Variants in AFAP1L1 observed in about 807,000 individuals in gnomAD.
AFAP1L1 encodes the protein actin filament-associated protein 1-like 1.
A neutral mutation model predicts 99.8 loss-of-function variants in AFAP1L1; 77 were observed. The observed-to-expected ratio is 0.77, with a 90% confidence interval of 0.64 to 0.93. The LOEUF (loss-of-function observed/expected upper bound fraction) is 0.93, where lower values mean the gene tolerates loss of function less well. Among genes scored for constraint, AFAP1L1 ranks in the 40% least tolerant of loss-of-function variants. The pLI is 0.00. For synonymous variants in AFAP1L1, 373 were observed against 395.3 expected, an observed-to-expected ratio of 0.94 and a Z score of 0.67; for missense variants, 893 against 996.8, an observed-to-expected ratio of 0.90 and a Z score of 1.40.
At chr5:149,287,461 C>A (rs1755717891) in intron 1 of AFAP1L1, among the ~76,000 whole-genome samples, 1 of 151,964 alleles carries the variant, frequency 6.6e-6, no homozygotes, top group African/African-American at 2.4e-5. Flanking sequence ...ACTCCATTAT[C>A]AAAAATAACT....
chr5:149,308,932 C>CA (rs1354000424), intron 7 of AFAP1L1, among the ~76,000 whole-genome samples: 997 of 118,144 alleles, frequency 8.4e-3, no homozygotes, highest in Middle Eastern at 0.023. Context: ...CCGTCTCTAC[C>CA]AAAAAAAAAA....
chr5:149,320,521 C>T lies in AFAP1L1; in HGVS notation c.1698+58C>T, dbSNP rs1756921713. ...CAAAGGCCACTTATTAGCTCTCCCTCTTTCTGCTCCCTTTACCTTCTGCCT... is the reference window on the plus strand; with the variant it reads ...CAAAGGCCACTTATTAGCTCTCCCTTTTTCTGCTCCCTTTACCTTCTGCCT... On this transcript the variant is annotated intron_variant, in intron 14 of 18. Transcript: ENST00000296721. The surrounding 1 kb of genome is among the most constrained non-coding windows in gnomAD (Gnocchi z 4.0). The T allele has an allele frequency of 3.4e-6, 5 of 1,476,112 alleles. No homozygotes were observed. The Admixed American group carries it at 5.0e-5, about 15-fold the overall frequency. 91.4% of individuals were successfully genotyped at this position (1,476,112 alleles called of 1,614,324 possible).
At chr5:149,324,658 G>C (rs1029809653) in intron 15 of AFAP1L1, among the ~76,000 whole-genome samples, 2 of 152,116 alleles carry the variant, frequency 1.3e-5, no homozygotes, top group African/African-American at 4.8e-5. Context: ...TCTGGCTTGG[G>C]GTCTCTCATG....
intron 1 of AFAP1L1, among the ~76,000 whole-genome samples, chr5:149,283,026 C>A (rs1314375477): frequency 6.6e-6 from 1 of 152,178 alleles, no homozygotes; most frequent in Non-Finnish European, 1.5e-5. Flanking sequence ...ACCACCGGGG[C>A]AGCACCTAAG....
intron 1 of AFAP1L1, among the ~76,000 whole-genome samples, chr5:149,280,433 C>A (rs1755480093): frequency 6.6e-6 from 1 of 151,910 alleles, no homozygotes; most frequent in Non-Finnish European, 1.5e-5. Context: ...AATACACCCA[C>A]AAAGATTTGA....
intron 4 of AFAP1L1, 67 bp from the exon 5 acceptor site, chr5:149,302,351 C>A: frequency 8.3e-7 from 1 of 1,200,250 alleles, no homozygotes; most frequent in Non-Finnish European, 1.2e-6. Flanking sequence ...TCCTGCCTCC[C>A]TCTCCCTCAG....
At chr5:149,307,965 G>T (rs766691359) in intron 7 of AFAP1L1, among the ~76,000 whole-genome samples, 1 of 151,860 alleles carries the variant, frequency 6.6e-6, no homozygotes, top group Non-Finnish European at 1.5e-5. Flanking sequence ...AGACCAGCCT[G>T]GCCAACATGG....
chr5:149,281,206 G>A (rs545196676), intron 1 of AFAP1L1, among the ~76,000 whole-genome samples: 14 of 152,204 alleles, frequency 9.2e-5, no homozygotes, highest in African/African-American at 3.4e-4. Flanking sequence ...ACAGAGAATT[G>A]ACCCACTAAA....
intron 5 of AFAP1L1, among the ~76,000 whole-genome samples, chr5:149,304,825 G>T (rs572960840): frequency 3.3e-5 from 5 of 152,344 alleles, no homozygotes; most frequent in Non-Finnish European, 5.9e-5. Flanking sequence ...ATAGAACTGG[G>T]TGTCCCAGTC....
At chr5:149,326,548 A>T (rs1757101088) in intron 15 of AFAP1L1, among the ~76,000 whole-genome samples, 1 of 67,600 alleles carries the variant, frequency 1.5e-5, no homozygotes, top group Non-Finnish European at 4.6e-5. Context: ...CCAAAAATAA[A>T]AAAAAAAAAA....
At chr5:149,339,586 A>T (rs1346364678) in intron 18 of AFAP1L1, among the ~76,000 whole-genome samples, 1 of 152,032 alleles carries the variant, frequency 6.6e-6, no homozygotes, top group East Asian at 1.9e-4. Flanking sequence ...TTTTCCAAAC[A>T]TTTAGAAATA....
chr5:149,312,366 C>T (rs1180107969), intron 9 of AFAP1L1, 162 bp downstream of exon 9: 1 of 721,364 alleles, frequency 1.4e-6, no homozygotes, highest in Non-Finnish European at 2.5e-6. Flanking sequence ...ATAAATGTCT[C>T]CTGAATTCAT....
At chr5:149,339,651 A>G (rs930127801) in intron 18 of AFAP1L1, among the ~76,000 whole-genome samples, 1 of 152,194 alleles carries the variant, frequency 6.6e-6, no homozygotes, top group African/African-American at 2.4e-5. Flanking sequence ...CCCACAGACT[A>G]TCATTTACCA....
intron 1 of AFAP1L1, among the ~76,000 whole-genome samples, chr5:149,281,947 C>T (rs10477413): frequency 0.015 from 2,309 of 152,300 alleles, 57 homozygotes; most frequent in African/African-American, 0.048. Flanking sequence ...ATTTCTTATC[C>T]TTCACACTCT....
intron 1 of AFAP1L1, among the ~76,000 whole-genome samples, chr5:149,275,901 C>T (rs1272623226): frequency 6.6e-6 from 1 of 152,210 alleles, no homozygotes; most frequent in Non-Finnish European, 1.5e-5. Flanking sequence ...GACCCTGTCT[C>T]CAAATACAGT....
chr5:149,293,917 G>A (rs904742322), intron 1 of AFAP1L1, among the ~76,000 whole-genome samples: 2 of 152,108 alleles, frequency 1.3e-5, no homozygotes, highest in Non-Finnish European at 2.9e-5. Flanking sequence ...GGCAGTGCAA[G>A]AATCCCAATA....
chr5:149,273,871 A>T (rs1282711015), intron 1 of AFAP1L1, among the ~76,000 whole-genome samples: 1 of 149,918 alleles, frequency 6.7e-6, no homozygotes, highest in Non-Finnish European at 1.5e-5. Flanking sequence ...ACAAAAATCC[A>T]TACCTAGGCC....
intron 1 of AFAP1L1, among the ~76,000 whole-genome samples, chr5:149,295,470 A>G (rs1044247592): frequency 2.6e-5 from 4 of 152,198 alleles, no homozygotes; most frequent in Non-Finnish European, 4.4e-5. Flanking sequence ...GCTGCCACCC[A>G]TAGGCATTTA....
chr5:149,314,776 G>A (rs1413012231), intron 9 of AFAP1L1, among the ~76,000 whole-genome samples: 1 of 152,202 alleles, frequency 6.6e-6, no homozygotes, highest in Non-Finnish European at 1.5e-5. Flanking sequence ...GCTGAGCCTG[G>A]TTTGAGAGGA....
Sources: gnomAD v4.1 joint callset for allele counts (sites outside exome capture counted in the v4.1 genomes callset) on GRCh38, gnomAD v4.1.1 for gene constraint, Gnocchi (gnomAD v3.1) non-coding constraint, MANE v1.5 for transcripts, NCBI Gene and HGNC (gene_info 2026-07-23, HGNC 2026-07-21) for gene names.